The following PRSS12 variants were observed in gnomAD, a reference collection of about 807,000 sequenced individuals.
The protein encoded by PRSS12 is neurotrypsin.
Under a neutral mutation model 104.4 loss-of-function variants are expected in PRSS12, and 85 were observed. The observed-to-expected ratio is 0.81, with a 90% confidence interval of 0.68 to 0.98. The LOEUF (loss-of-function observed/expected upper bound fraction) is 0.98, where lower values mean the gene tolerates loss of function less well. Among genes scored for constraint, PRSS12 ranks in the 50% least tolerant of loss-of-function variants. PRSS12 has a pLI of 0.00. For synonymous variants in PRSS12, 454 were observed against 425.2 expected, an observed-to-expected ratio of 1.07 and a Z score of -0.83; for missense variants, 1,141 against 1,139.2, an observed-to-expected ratio of 1.00 and a Z score of -0.02.
Position 118,282,209 on chromosome 4 carries a change from G to A in PRSS12, c.2355C>T (p.Ala785=). The A allele has an allele frequency of 6.2e-7, 1 of 1,614,204 alleles. No individual in the cohort carries two copies. Among genetic ancestry groups the A allele is most frequent in the South Asian group, 1.1e-5 (1 of 91,082 alleles). ...RAYSRTLQQA[A]IPLLPKRFCE... Reference sequence around the variant, plus strand: ...AAAACCTTTTAGGAAGTAAGGGAATGGCTGCTTGTTGTAGTGTTCTTGAAT... The same window carrying A: ...AAAACCTTTTAGGAAGTAAGGGAATAGCTGCTTGTTGTAGTGTTCTTGAAT... Residue 785 remains alanine (A), a synonymous_variant, in exon 13 of 13, where the codon GCC becomes GCT. Coordinates refer to ENST00000296498, the MANE Select transcript of PRSS12 (RefSeq NM_003619.4).
intron 11 of PRSS12, among the ~76,000 whole-genome samples, chr4:118,289,759 C>T (rs1743089888): frequency 6.6e-6 from 1 of 152,152 alleles, no homozygotes. Flanking sequence ...TCTATGAAAT[C>T]CGGCAAAGGT....
At chr4:118,347,197 A>T (rs770840344) in intron 1 of PRSS12, among the ~76,000 whole-genome samples, 5 of 152,230 alleles carry the variant, frequency 3.3e-5, no homozygotes, top group African/African-American at 4.8e-5. Flanking sequence ...CAACCAGGAA[A>T]TGTATCAAAT....
Position 118,352,438 on chromosome 4 carries a change from C to T in PRSS12, c.283G>A (p.Ala95Thr). The T allele has an allele frequency of 6.7e-7, 1 of 1,491,862 alleles. No individual in the cohort carries two copies. 92.4% of individuals were successfully genotyped at this position (1,491,862 alleles called of 1,614,324 possible). A position where few individuals can be genotyped will look rare whatever the true frequency, so the allele number is the denominator to read the frequency against. The part of the protein sequence containing the change: ...TPRPHPWGCP[A>T]GEPWVSVTDF... The stretch of plus-strand genomic sequence containing the variant: ...GTCACGCTGACCCATGGCTCGCCGG[C>T]GGGGCAGCCCCAGGGGTGCGGCCGG... Residue 95 changes from alanine (A) to threonine (T), a missense_variant, in exon 1 of 13, where the codon GCC (alanine) becomes ACC (threonine). Coordinates refer to ENST00000296498, the MANE Select transcript of PRSS12 (RefSeq NM_003619.4).
chr4:118,307,873 C>A (rs1013959309), intron 8 of PRSS12, among the ~76,000 whole-genome samples: 3 of 151,474 alleles, frequency 2.0e-5, no homozygotes, highest in Admixed American at 1.3e-4. Context: ...ACAGTGAAGT[C>A]ATCAGCAAAG....
Position 118,352,430 on chromosome 4 carries a change from C to T in PRSS12, c.291G>A (p.Glu97=). Residue 97 remains glutamate (E), a synonymous_variant, in exon 1 of 13, where the codon GAG becomes GAA. Coordinates refer to ENST00000296498, the MANE Select transcript of PRSS12 (RefSeq NM_003619.4). The part of the protein sequence containing the change: ...RPHPWGCPAG[E]PWVSVTDFGA... ...CGAAGTCCGTCACGCTGACCCATGG[C>T]TCGCCGGCGGGGCAGCCCCAGGGGT... The T allele has an allele frequency of 2.7e-6, 4 of 1,505,704 alleles. No homozygotes were observed. Among genetic ancestry groups the T allele is most frequent in the Non-Finnish European group, 3.5e-6 (4 of 1,130,912 alleles). 93.3% of individuals were successfully genotyped at this position (1,505,704 alleles called of 1,614,324 possible).
In PRSS12 at chr4:118,316,437, T is replaced by G. The variant is rs896543481; in HGVS notation, c.1151-114A>C. ...TATTCAGGCCTCACTCTAGGCCTTT[T>G]GCTAAACTTACATTACATCTGTGCT... On this transcript the variant is annotated intron_variant, in intron 5 of 12. Coordinates refer to ENST00000296498, the MANE Select transcript of PRSS12 (RefSeq NM_003619.4). 3.8e-6 allele frequency: 5 copies of G among 1,324,528 alleles called. No individual in the cohort carries two copies. The African/African-American group carries it at 5.8e-5, about 15-fold the overall frequency. 82.0% of individuals were successfully genotyped at this position (1,324,528 alleles called of 1,614,324 possible).
At chr4:118,327,674 A>G (rs1723810979) in intron 4 of PRSS12, among the ~76,000 whole-genome samples, 1 of 152,202 alleles carries the variant, frequency 6.6e-6, no homozygotes, top group Non-Finnish European at 1.5e-5. Flanking sequence ...TTTGAAAGAC[A>G]TGGAAAGTGC....
In PRSS12 at chr4:118,352,306, G is replaced by C; in HGVS notation, c.415C>G (p.Arg139Gly). Reference protein sequence around the residue: ...QLRGQRHNFCRSPDGAGRPWC... With the variant: ...QLRGQRHNFCGSPDGAGRPWC... ...GGTCTGCCCGCGCCGTCGGGGCTCC[G>C]ACAAAAGTTGTGGCGCTGTCCTCGC... Residue 139 changes from arginine to glycine, a missense_variant, in exon 1 of 13, where the codon CGG (arginine) becomes GGG (glycine). Transcript: ENST00000296498. The C allele has an allele frequency of 6.2e-7, 1 of 1,600,304 alleles. No individual in the cohort carries two copies. Among genetic ancestry groups the C allele is most frequent in the Non-Finnish European group, 8.5e-7 (1 of 1,175,988 alleles).
At chr4:118,302,588 G>A (rs988219074) in intron 8 of PRSS12, among the ~76,000 whole-genome samples, 2 of 152,048 alleles carry the variant, frequency 1.3e-5, no homozygotes, top group Admixed American at 6.6e-5. Context: ...CACCACAGCT[G>A]GCTAATTTTT....
intron 8 of PRSS12, 75 bp downstream of exon 8, chr4:118,308,361 A>G (rs1390770861): frequency 3.8e-6 from 6 of 1,576,648 alleles, no homozygotes; most frequent in Non-Finnish European, 5.2e-6. Context: ...AGTAAAAAGT[A>G]ACTCATTAGA....
At chr4:118,303,844 C>A (rs1301982584) in intron 8 of PRSS12, 1 of 151,998 alleles carries the variant, frequency 6.6e-6, no homozygotes, top group Admixed American at 6.6e-5. Context: ...CACTCCAAAT[C>A]CTACCGCAGT....
At chr4:118,295,993 C>T (rs1743244641) in intron 9 of PRSS12, 137 bp from the exon 10 acceptor site, 2 of 778,074 alleles carry the variant, frequency 2.6e-6, no homozygotes, top group Admixed American at 2.3e-5. Context: ...TTTCTTGTAA[C>T]AAAAATAGTT....
intron 1 of PRSS12, among the ~76,000 whole-genome samples, chr4:118,351,668 G>C (rs1724509011): frequency 6.6e-6 from 1 of 152,058 alleles, no homozygotes; most frequent in Admixed American, 6.5e-5. Flanking sequence ...TGTGAATATG[G>C]CTGATTTTGG....
chr4:118,348,287 A>G (rs1408598019), intron 1 of PRSS12, among the ~76,000 whole-genome samples: 1 of 152,218 alleles, frequency 6.6e-6, no homozygotes, highest in East Asian at 1.9e-4. Flanking sequence ...CAGAAGTGTC[A>G]TTTCTAAAAT....
chr4:118,308,312 C>T (rs1743608883), intron 8 of PRSS12, 124 bp downstream of exon 8: 2 of 1,295,354 alleles, frequency 1.5e-6, no homozygotes, highest in East Asian at 2.3e-5. Flanking sequence ...AATCAATATG[C>T]TGCCAGTATT....
chr4:118,319,605 C>T (rs564731804), intron 4 of PRSS12, among the ~76,000 whole-genome samples: 15 of 152,308 alleles, frequency 9.8e-5, no homozygotes, highest in African/African-American at 3.4e-4. Context: ...ATAAAATACA[C>T]TCGACTCTAA....
chr4:118,282,995 C>T lies in PRSS12; in HGVS notation c.2156G>A (p.Arg719Gln), dbSNP rs774173802. Residue 719 changes from arginine (R) to glutamine (Q), a missense_variant, in exon 12 of 13, where the codon CGA (arginine) becomes CAA (glutamine). By Grantham distance (43) the Arg-to-Gln change is conservative. Coordinates refer to ENST00000296498, the MANE Select transcript of PRSS12 (RefSeq NM_003619.4). ...TATGTCATAATCACTGCGGTCGGGT[C>T]GATACTCCCGATGAATCACAATCTG... ...VQQIVIHREY[R>Q]PDRSDYDIAL... The T allele has an allele frequency of 2.5e-6, 4 of 1,614,100 alleles. No individual in the cohort carries two copies. Among genetic ancestry groups the T allele is most frequent in the South Asian group, 1.1e-5 (1 of 91,080 alleles).
At chr4:118,345,905 C>T (rs1724342632) in intron 1 of PRSS12, among the ~76,000 whole-genome samples, 1 of 152,128 alleles carries the variant, frequency 6.6e-6, no homozygotes, top group Non-Finnish European at 1.5e-5. Context: ...CAGTTGAATC[C>T]CCAGATGATT....
Position 118,316,412 on chromosome 4 carries a change from T to C in PRSS12, c.1151-89A>G. On this transcript the variant is annotated intron_variant, in intron 5 of 12. Transcript: ENST00000296498. ...TTGTATTTCACAAGAAATATCACCA[T>C]ATTCAGGCCTCACTCTAGGCCTTTT... 2 of 1,528,740 alleles carry C rather than the reference T, an allele frequency of 1.3e-6. 1 individual carries two copies. The highest frequency in any genetic ancestry group is 1.8e-6 in the Non-Finnish European group (2 of 1,116,486). 94.7% of individuals were successfully genotyped at this position (1,528,740 alleles called of 1,614,324 possible).
Sources: gnomAD v4.1 joint callset for allele counts (sites outside exome capture counted in the v4.1 genomes callset) on GRCh38, gnomAD v4.1.1 for gene constraint, MANE v1.5 for transcripts, NCBI Gene and HGNC (gene_info 2026-07-23, HGNC 2026-07-21) for gene names.